Variants in ATP2B3 observed in about 807,000 individuals in gnomAD.
The protein encoded by ATP2B3 is plasma membrane calcium-transporting ATPase 3.
A neutral mutation model predicts 70.8 loss-of-function variants in ATP2B3; 12 were observed. That is an observed-to-expected ratio of 0.17 (90% CI 0.11 to 0.27). ATP2B3 has a LOEUF of 0.27. Ranked by LOEUF, ATP2B3 falls within the 10% of genes least tolerant of loss-of-function variation. The pLI is 1.00. For synonymous variants in ATP2B3, 460 were observed against 497.8 expected, an observed-to-expected ratio of 0.92 and a Z score of 1.01; for missense variants, 858 against 1,118.5, an observed-to-expected ratio of 0.77 and a Z score of 3.32.
chrX:153,553,067 T>C lies in ATP2B3; in HGVS notation c.1856T>C (p.Leu619Pro), dbSNP rs782232214. 2.1e-5 allele frequency: 25 copies of C among 1,206,231 alleles called. No homozygotes were observed. The highest frequency in any genetic ancestry group is 2.7e-5 in the Non-Finnish European group (24 of 892,000). Residue 619 changes from leucine to proline, a missense_variant, in exon 13 of 22, where the codon CTC becomes CCC. Coordinates refer to ENST00000263519, the MANE Select transcript of ATP2B3 (RefSeq NM_001001344.3). ...CTNILNSNGE[L>P]RGFRPRDRDD... ...AACATCTTGAACAGCAATGGCGAAC[T>C]CCGGGGCTTTCGGCCTCGGGACCGG...
At chrX:153,576,273 A>G (rs1354517093) in intron 21 of ATP2B3, among the ~76,000 whole-genome samples, 1 of 110,863 alleles carries the variant, frequency 9.0e-6, no homozygotes, top group Non-Finnish European at 1.9e-5. Flanking sequence ...TGGGGTCCCA[A>G]TGTGACCCCA....
intron 3 of ATP2B3, among the ~76,000 whole-genome samples, chrX:153,537,121 C>A (rs2090203955): frequency 8.8e-6 from 1 of 113,198 alleles, no homozygotes; most frequent in African/African-American, 3.2e-5. Flanking sequence ...CTAGAAAGAT[C>A]TGGGGCGGAG....
At position 153,537,893 on chromosome X, in the gene ATP2B3, G is replaced by C. The variant is rs2089191844; in HGVS notation, c.208+1438G>C. On this transcript the variant is annotated intron_variant, in intron 3 of 21. Coordinates refer to ENST00000263519, the MANE Select transcript of ATP2B3 (RefSeq NM_001001344.3). Reference sequence around the variant, plus strand: ...TGGGAACCTGCCCGATTCTGCCATGGAGCTCAGGAGCTCTTGCGTGCCTGT... The same window carrying C: ...TGGGAACCTGCCCGATTCTGCCATGCAGCTCAGGAGCTCTTGCGTGCCTGT... 8.0e-5 allele frequency among the ~76,000 whole-genome samples: 9 copies of C among 112,653 alleles called. No homozygotes were observed. The Admixed American group carries it at 8.4e-4, about 11-fold the overall frequency.
At chrX:153,571,894 A>T (rs1392497708) in intron 21 of ATP2B3, among the ~76,000 whole-genome samples, 1 of 112,754 alleles carries the variant, frequency 8.9e-6, no homozygotes, top group Non-Finnish European at 1.9e-5. Context: ...GTGGAGGAAG[A>T]TGCTGGCTGG....
intron 21 of ATP2B3, among the ~76,000 whole-genome samples, chrX:153,577,496 G>A (rs1392814794): frequency 3.6e-5 from 4 of 112,515 alleles, no homozygotes; most frequent in Admixed American, 9.4e-5. Flanking sequence ...TGTCCCAGGC[G>A]GCTTCCACAC....
intron 2 of ATP2B3, among the ~76,000 whole-genome samples, chrX:153,521,633 C>T (rs914445913): frequency 5.4e-5 from 6 of 112,012 alleles, no homozygotes; most frequent in Non-Finnish European, 1.9e-5. Context: ...GAGCCAGCCT[C>T]TCTTGTTCTG....
chrX:153,542,250 C>T (rs1318179381), intron 5 of ATP2B3, 73 bp from the exon 6 acceptor site: 1 of 1,183,358 alleles, frequency 8.5e-7, no homozygotes, highest in Non-Finnish European at 1.1e-6. Flanking sequence ...GCCCATGGCA[C>T]CTGACGGGAC....
At chrX:153,545,657 C>T (rs782269161) in intron 7 of ATP2B3, among the ~76,000 whole-genome samples, 1 of 112,624 alleles carries the variant, frequency 8.9e-6, no homozygotes, top group Admixed American at 9.3e-5. Context: ...GACGTGACTG[C>T]AGGGAAAACC....
intron 21 of ATP2B3, among the ~76,000 whole-genome samples, chrX:153,575,859 A>C (rs184749235): frequency 9.0e-6 from 1 of 110,657 alleles, no homozygotes; most frequent in East Asian, 2.9e-4. Flanking sequence ...GTGAGGAGTA[A>C]AGGACTGTGG....
At chrX:153,543,223 C>T in intron 7 of ATP2B3, 55 bp downstream of exon 7, 1 of 1,159,158 alleles carries the variant, frequency 8.6e-7, no homozygotes, top group East Asian at 3.1e-5. Flanking sequence ...TTCCACGCTG[C>T]CCATTCTTTC....
At chrX:153,557,457 C>A (rs2090555713) in intron 16 of ATP2B3, among the ~76,000 whole-genome samples, 1 of 112,369 alleles carries the variant, frequency 8.9e-6, no homozygotes, top group South Asian at 3.7e-4. Context: ...TGGTTGCGGC[C>A]CCTCAGTGGC....
At position 153,536,702 on chromosome X, in the gene ATP2B3, G is replaced by A. The variant is rs782716642; in HGVS notation, c.208+247G>A. The stretch of plus-strand genomic sequence containing the variant: ...GGGGAGGGGGAGATGGGAACTTCAT[G>A]GGACACACACACAGGCGGAATGGGC... On this transcript the variant is annotated intron_variant, in intron 3 of 21. Coordinates refer to ENST00000263519, the MANE Select transcript of ATP2B3 (RefSeq NM_001001344.3). Among the ~76,000 whole-genome samples, 383 of 112,374 alleles carry A rather than the reference G, an allele frequency of 3.4e-3. 2 individuals are homozygous for A. Among genetic ancestry groups the A allele is most frequent in the African/African-American group, 0.012 (369 of 30,944 alleles).
At chrX:153,526,130 A>T (rs1389225480) in intron 2 of ATP2B3, among the ~76,000 whole-genome samples, 2 of 112,035 alleles carry the variant, frequency 1.8e-5, no homozygotes, top group East Asian at 5.7e-4. Context: ...GGAGGAGGGG[A>T]GGGGGTGAGC....
intron 2 of ATP2B3, among the ~76,000 whole-genome samples, chrX:153,534,225 G>A (rs2090157284): frequency 9.0e-6 from 1 of 111,673 alleles, no homozygotes; most frequent in Non-Finnish European, 1.9e-5. Flanking sequence ...AGAAGACGAG[G>A]AGTCCAGGTG....
At chrX:153,554,276 G>A in intron 13 of ATP2B3, among the ~76,000 whole-genome samples, 1 of 113,314 alleles carries the variant, frequency 8.8e-6, no homozygotes, top group African/African-American at 3.2e-5. Flanking sequence ...GCAGCGGCAT[G>A]AGTCCCGGGC....
intron 2 of ATP2B3, among the ~76,000 whole-genome samples, chrX:153,526,535 C>T (rs1418764688): frequency 8.9e-6 from 1 of 111,816 alleles, no homozygotes; most frequent in African/African-American, 3.3e-5. Flanking sequence ...GTGTCTTAGG[C>T]AAAATTCAAA....
At position 153,580,299 on chromosome X, in the gene ATP2B3, C is replaced by G. The variant is rs374810330; in HGVS notation, c.*1C>G. 4.2e-6 allele frequency: 5 copies of G among 1,201,908 alleles called. No homozygotes were observed. The highest frequency in any genetic ancestry group is 4.5e-6 in the Non-Finnish European group (4 of 888,941). On this transcript the variant is annotated 3_prime_UTR_variant, in exon 22 of 22. Coordinates refer to ENST00000263519, the MANE Select transcript of ATP2B3 (RefSeq NM_001001344.3). ...CCACAGCGTGGAGACGTCCCTCTAA[C>G]AAGAACTTGTCTCAGCACATGCGCA... is the stretch of plus-strand genomic sequence containing the variant.
Position 153,550,161 on chromosome X carries a change from G to A in ATP2B3, c.1698G>A (p.Pro566=), listed in dbSNP as rs527497364. The A allele has an allele frequency of 1.0e-4, 125 of 1,211,527 alleles. No homozygotes were observed. The highest frequency in any genetic ancestry group is 5.2e-4 in the Admixed American group (24 of 46,037). ...RDFQPVREQI[P]EDKLYKVYTF... ...TCCAGCCCGTGCGCGAGCAGATCCCGGAAGACAAGCTTTACAAAGTGTACA... is the reference window on the plus strand; with the variant it reads ...TCCAGCCCGTGCGCGAGCAGATCCCAGAAGACAAGCTTTACAAAGTGTACA... Residue 566 remains proline, a synonymous_variant, in exon 12 of 22, where the codon CCG becomes CCA. Coordinates refer to ENST00000263519, the MANE Select transcript of ATP2B3 (RefSeq NM_001001344.3).
At chrX:153,571,568 C>T (rs2090790076) in intron 21 of ATP2B3, among the ~76,000 whole-genome samples, 1 of 112,207 alleles carries the variant, frequency 8.9e-6, no homozygotes, top group Admixed American at 9.4e-5. Flanking sequence ...CTCTGGATTC[C>T]TCCTGCTTCC....
Sources: gnomAD v4.1 joint callset for allele counts (sites outside exome capture counted in the v4.1 genomes callset) on GRCh38, gnomAD v4.1.1 for gene constraint, MANE v1.5 for transcripts, NCBI Gene and HGNC (gene_info 2026-07-23, HGNC 2026-07-21) for gene names.